Variants in DLGAP2 observed in about 807,000 individuals in gnomAD.
The protein encoded by DLGAP2 is DLG associated protein 2.
DLGAP2 carries 26 observed loss-of-function variants against 100.3 expected under a neutral mutation model. That is an observed-to-expected ratio of 0.26 (90% confidence interval 0.19 to 0.36). The LOEUF is 0.36. Ranked by LOEUF, DLGAP2 falls within the 10% of genes least tolerant of loss-of-function variation. DLGAP2 has a pLI of 1.00. For synonymous variants in DLGAP2, 886 were observed against 630.1 expected (o/e 1.41, Z -6.08); for missense variants, 1,858 against 1,453.2 (o/e 1.28, Z -4.53).
intron 4 of DLGAP2, among the ~76,000 whole-genome samples, chr8:1,533,308 C>T (rs922686456): frequency 1.3e-5 from 2 of 151,908 alleles, no homozygotes; most frequent in Non-Finnish European, 2.9e-5. Flanking sequence ...ATCATCCTGG[C>T]TAACATGGTG....
Position 1,706,242 on chromosome 8 carries a change from C to G in DLGAP2, c.*4836C>G, listed in dbSNP as rs560231341. On this transcript the variant is annotated 3_prime_UTR_variant, in exon 15 of 15. Coordinates refer to ENST00000637795, the MANE Select transcript of DLGAP2 (RefSeq NM_001346810.2). Reference sequence around the variant, plus strand: ...GCTTTTATTCATCCTCAGCCGGCAACTCATCTCAAGTTTATGTCTCAGTTT... The same window carrying G: ...GCTTTTATTCATCCTCAGCCGGCAAGTCATCTCAAGTTTATGTCTCAGTTT... 4.6e-5 allele frequency: 7 copies of G among 152,342 alleles called. No individual in the cohort carries two copies. The South Asian group carries it at 1.2e-3, about 27-fold the overall frequency. 9.4% of individuals were successfully genotyped at this position (152,342 alleles called of 1,614,324 possible).
intron 3 of DLGAP2, among the ~76,000 whole-genome samples, chr8:1,466,253 A>C (rs563902348): frequency 3.9e-5 from 6 of 152,184 alleles, no homozygotes; most frequent in African/African-American, 1.4e-4. Flanking sequence ...TTGCTTTTTT[A>C]TCATTTGGAC....
intron 1 of DLGAP2, among the ~76,000 whole-genome samples, chr8:781,871 A>G (rs1337576993): frequency 6.6e-6 from 1 of 152,162 alleles, no homozygotes; most frequent in Admixed American, 6.5e-5. Flanking sequence ...CTTTTGTGAA[A>G]AAGGAGAAGT....
chr8:1,462,884 G>A (rs1261810507), intron 3 of DLGAP2, among the ~76,000 whole-genome samples: 1 of 152,234 alleles, frequency 6.6e-6, no homozygotes, highest in Non-Finnish European at 1.5e-5. Context: ...AGAAGGAAAT[G>A]TTACTTCCCA....
intron 2 of DLGAP2, among the ~76,000 whole-genome samples, chr8:949,872 C>T (rs1182435643): frequency 6.6e-6 from 1 of 152,214 alleles, no homozygotes; most frequent in Non-Finnish European, 1.5e-5. Flanking sequence ...CGGCGCTTTT[C>T]TCTTGGTGGC....
chr8:1,520,377 C>G (rs985777518), intron 4 of DLGAP2, among the ~76,000 whole-genome samples: 3 of 152,194 alleles, frequency 2.0e-5, no homozygotes, highest in Non-Finnish European at 2.9e-5. Context: ...GTTCTTCACC[C>G]CTCGCACTGG....
At chr8:1,025,150 G>A (rs1801759015) in intron 2 of DLGAP2, among the ~76,000 whole-genome samples, 1 of 152,128 alleles carries the variant, frequency 6.6e-6, no homozygotes, top group Non-Finnish European at 1.5e-5. Flanking sequence ...GTGCGTGTGT[G>A]TGTGCGCACG....
intron 2 of DLGAP2, among the ~76,000 whole-genome samples, chr8:1,096,937 C>A (rs1183731258): frequency 2.3e-5 from 3 of 131,952 alleles, no homozygotes; most frequent in African/African-American, 8.7e-5. Context: ...GCTGGGAGCC[C>A]GGGGCAGGCC....
intron 5 of DLGAP2, among the ~76,000 whole-genome samples, chr8:1,557,045 G>A (rs1463274224): frequency 6.6e-6 from 1 of 152,142 alleles, no homozygotes; most frequent in African/African-American, 2.4e-5. Flanking sequence ...GGGGGTGGGG[G>A]CTGGGAGACG....
intron 2 of DLGAP2, among the ~76,000 whole-genome samples, chr8:1,213,284 C>T (rs1036937589): frequency 2.0e-5 from 3 of 152,164 alleles, no homozygotes; most frequent in Non-Finnish European, 4.4e-5. Flanking sequence ...GTTTAAGAAA[C>T]TGAGGAGGCC....
At chr8:1,517,398 C>A (rs537671513) in intron 4 of DLGAP2, among the ~76,000 whole-genome samples, 1 of 152,120 alleles carries the variant, frequency 6.6e-6, no homozygotes, top group African/African-American at 2.4e-5. Context: ...GAGGGGCACC[C>A]CTGGGCGCCC....
At chr8:1,467,182 G>A (rs539276045) in intron 3 of DLGAP2, among the ~76,000 whole-genome samples, 3 of 152,026 alleles carry the variant, frequency 2.0e-5, no homozygotes, top group Non-Finnish European at 4.4e-5. Flanking sequence ...GTCCAGCAGG[G>A]GCCCAGGAGG....
chr8:925,808 G>C (rs1268199689), intron 2 of DLGAP2, among the ~76,000 whole-genome samples: 1 of 152,190 alleles, frequency 6.6e-6, no homozygotes, highest in Non-Finnish European at 1.5e-5. Context: ...AAGAGCCCAT[G>C]TGTCCATTCT....
chr8:868,818 C>T (rs1797545869), intron 1 of DLGAP2, among the ~76,000 whole-genome samples: 1 of 152,186 alleles, frequency 6.6e-6, no homozygotes, highest in Admixed American at 6.5e-5. Flanking sequence ...GCCTAGAGAG[C>T]GCGGTCACTG....
rs189803971 is a variant in DLGAP2 at position 1,660,925 on chromosome 8, G to A, written c.1811-7404G>A. 4.6e-5 allele frequency among the ~76,000 whole-genome samples: 7 copies of A among 152,262 alleles called. No individual in the cohort carries two copies. In the East Asian group the frequency reaches 9.7e-4, roughly 21 times the overall value. On this transcript the variant is annotated intron_variant, in intron 8 of 14. Coordinates refer to ENST00000637795, the MANE Select transcript of DLGAP2 (RefSeq NM_001346810.2). ...GTGTCACCGAAGAATACACGGCACC[G>A]TGATTCCGTAGCTAATACCGCAACT...
rs573179633 is a variant in DLGAP2 at position 1,166,821 on chromosome 8, T to C, written c.74-92030T>C. Reference sequence around the variant, plus strand: ...GTCTCTGGTAAATGTAAGTATTGTTTCGTGGTTTTCTACATATGGATAATG... The same window carrying C: ...GTCTCTGGTAAATGTAAGTATTGTTCCGTGGTTTTCTACATATGGATAATG... On this transcript the variant is annotated intron_variant, in intron 2 of 14. Transcript: ENST00000637795. Among the ~76,000 whole-genome samples the C allele has an allele frequency of 2.6e-4, 40 of 152,330 alleles. 1 individual carries two copies. Among genetic ancestry groups the C allele is most frequent in the Middle Eastern group, 6.8e-3 (2 of 294 alleles).
At chr8:1,360,279 T>TGGGGCGGGGCTTCTCC (rs535670178) in intron 3 of DLGAP2, among the ~76,000 whole-genome samples, 44 of 68,752 alleles carry the variant, frequency 6.4e-4, no homozygotes, top group African/African-American at 2.3e-3. Context: ...GGGGCTTCTC[T>TGGGGCGGGGCTTCTCC]GGGGCGGGGC....
At chr8:1,545,120 A>G (rs898754610) in intron 4 of DLGAP2, among the ~76,000 whole-genome samples, 1 of 152,082 alleles carries the variant, frequency 6.6e-6, no homozygotes, top group African/African-American at 2.4e-5. Flanking sequence ...CTAGCAGGGT[A>G]ATTCTGGCCC....
rs1340214228 is a variant in DLGAP2 at position 1,595,686 on chromosome 8, A to AAAG, written c.1442+29794_1442+29795insGAA. 8.4e-5 allele frequency among the ~76,000 whole-genome samples: 12 copies of AAAG among 143,166 alleles called. No individual in the cohort carries two copies. The East Asian group carries it at 2.5e-3, about 30-fold the overall frequency. The allele number at this position is 143,166 out of a possible 152,430, so 93.9% of individuals were successfully genotyped here. Reference sequence around the variant, plus strand: ...GAGACTCCGTCTCAAAAAAAAAAAAAAAAAAGAAATAGGTCATTCCGGAAG... The same window carrying AAAG: ...GAGACTCCGTCTCAAAAAAAAAAAAAAAGAAAAAGAAATAGGTCATTCCGGAAG... On this transcript the variant is annotated intron_variant, in intron 6 of 14. Transcript: ENST00000637795.
Sources: gnomAD v4.1 joint callset for allele counts (sites outside exome capture counted in the v4.1 genomes callset) on GRCh38, gnomAD v4.1.1 for gene constraint, MANE v1.5 for transcripts, NCBI Gene and HGNC (gene_info 2026-07-23, HGNC 2026-07-21) for gene names.